Variants in DDR2 observed in about 807,000 individuals in gnomAD.
The protein encoded by DDR2 is discoidin domain-containing receptor 2.
Under a neutral mutation model 94.9 loss-of-function variants are expected in DDR2, and 27 were observed. The observed-to-expected ratio is 0.28, with a 90% confidence interval of 0.21 to 0.39. The LOEUF is 0.39. Ranked by LOEUF, DDR2 falls within the 10% of genes least tolerant of loss-of-function variation. The probability of loss-of-function intolerance (pLI) is 1.00; values close to 1 mark genes in which losing one functional copy is unlikely to be tolerated. For synonymous variants in DDR2, 382 were observed against 377.2 expected, an observed-to-expected ratio of 1.01 and a Z score of -0.15; for missense variants, 783 against 1,076.0, an observed-to-expected ratio of 0.73 and a Z score of 3.81.
chr1:162,692,325 C>T (rs1019197416), intron 2 of DDR2, among the ~76,000 whole-genome samples: 1 of 152,132 alleles, frequency 6.6e-6, no homozygotes, highest in African/African-American at 2.4e-5. Context: ...ACGTGAATTC[C>T]ATTAAAGTGA....
chr1:162,686,934 T>A (rs1231519748), intron 2 of DDR2, among the ~76,000 whole-genome samples: 1 of 152,244 alleles, frequency 6.6e-6, no homozygotes. Context: ...GCTTTCAGCC[T>A]TCTGGGTTGC....
chr1:162,640,280 T>G (rs890076683), intron 1 of DDR2, among the ~76,000 whole-genome samples: 1 of 152,136 alleles, frequency 6.6e-6, no homozygotes, highest in African/African-American at 2.4e-5. Flanking sequence ...GACCTCATGA[T>G]CTGCCCCCCT....
intron 2 of DDR2, among the ~76,000 whole-genome samples, chr1:162,716,014 A>G (rs978315144): frequency 3.3e-5 from 5 of 152,222 alleles, no homozygotes; most frequent in African/African-American, 1.2e-4. Flanking sequence ...TTGAGCACAT[A>G]CTTTGTGCAC....
At chr1:162,645,437 C>A (rs1419359787) in intron 1 of DDR2, among the ~76,000 whole-genome samples, 2 of 152,000 alleles carry the variant, frequency 1.3e-5, no homozygotes, top group Non-Finnish European at 2.9e-5. Context: ...TCTGAGCAGA[C>A]CTCAGGATTT....
chr1:162,714,597 C>T (rs926541606), intron 2 of DDR2, among the ~76,000 whole-genome samples: 4 of 152,144 alleles, frequency 2.6e-5, no homozygotes, highest in Non-Finnish European at 5.9e-5. Flanking sequence ...TATTTCTATA[C>T]CAATTGCATA....
At chr1:162,635,768 A>C (rs1055500705) in intron 1 of DDR2, among the ~76,000 whole-genome samples, 4 of 152,220 alleles carry the variant, frequency 2.6e-5, no homozygotes, top group African/African-American at 7.2e-5. Flanking sequence ...AGACCAATCA[A>C]ATCAGAATAT....
chr1:162,745,720 T>C (rs542966228), intron 3 of DDR2, among the ~76,000 whole-genome samples: 11 of 152,316 alleles, frequency 7.2e-5, no homozygotes, highest in African/African-American at 2.6e-4. Context: ...TAAGTAACTT[T>C]CTAAAATATT....
chr1:162,756,866 A>G (rs1403220493), intron 7 of DDR2, among the ~76,000 whole-genome samples: 2 of 152,202 alleles, frequency 1.3e-5, no homozygotes, highest in East Asian at 3.8e-4. Flanking sequence ...TATTCAAGGC[A>G]CAGAGGAAAT....
chr1:162,741,658 C>T, intron 3 of DDR2: 1 of 985,358 alleles, frequency 1.0e-6, no homozygotes, highest in Non-Finnish European at 1.2e-6. Flanking sequence ...ACAGCTAGAT[C>T]TTCTCCCCAG....
intron 3 of DDR2, among the ~76,000 whole-genome samples, chr1:162,749,782 A>G (rs902609563): frequency 6.6e-6 from 1 of 152,220 alleles, no homozygotes; most frequent in Non-Finnish European, 1.5e-5. Context: ...GGCAAACTGA[A>G]TCCAGCAGAC....
chr1:162,698,943 A>C (rs1660309639), intron 2 of DDR2, among the ~76,000 whole-genome samples: 1 of 152,192 alleles, frequency 6.6e-6, no homozygotes, highest in South Asian at 2.1e-4. Flanking sequence ...CCCTAGTCTG[A>C]AATTACCCTG....
chr1:162,759,889 C>G lies in DDR2; in HGVS notation c.765C>G (p.Asp255Glu), dbSNP rs375604173. ...THEYHVWPGY[D>E]YVGWRNESAT... ...AATACCACGTGTGGCCCGGCTATGACTATGTGGGCTGGCGGAACGAGAGTG... is the reference window on the plus strand; with the variant it reads ...AATACCACGTGTGGCCCGGCTATGAGTATGTGGGCTGGCGGAACGAGAGTG... Residue 255 changes from aspartate to glutamate, a missense_variant, in exon 8 of 18, where the codon GAC becomes GAG. This residue lies in a region of DDR2 where 519 missense variants were observed against 647.9 expected (regional missense o/e 0.80). Transcript: ENST00000367921. 6.2e-7 allele frequency: 1 copy of G among 1,614,184 alleles called. No homozygotes were observed. The highest frequency in any genetic ancestry group is 8.5e-7 in the Non-Finnish European group (1 of 1,180,026).
At chr1:162,695,063 A>G (rs1558031819) in intron 2 of DDR2, among the ~76,000 whole-genome samples, 1 of 152,192 alleles carries the variant, frequency 6.6e-6, no homozygotes, top group East Asian at 1.9e-4. Flanking sequence ...TCTAGAATTT[A>G]GACTTAATTG....
intron 3 of DDR2, among the ~76,000 whole-genome samples, chr1:162,744,689 T>C (rs2102097426): frequency 6.6e-6 from 1 of 152,184 alleles, no homozygotes; most frequent in Non-Finnish European, 1.5e-5. Flanking sequence ...ATTTCTTTCT[T>C]TTTTAAAGCT....
At chr1:162,638,148 G>A (rs1246889980) in intron 1 of DDR2, among the ~76,000 whole-genome samples, 2 of 152,096 alleles carry the variant, frequency 1.3e-5, no homozygotes, top group African/African-American at 2.4e-5. Flanking sequence ...AGCCTCCTGA[G>A]TAGCTGGGAT....
At chr1:162,648,025 A>C (rs2101898458) in intron 1 of DDR2, among the ~76,000 whole-genome samples, 1 of 149,318 alleles carries the variant, frequency 6.7e-6, no homozygotes, top group Middle Eastern at 3.5e-3. Context: ...CCTCTGACAG[A>C]TTCATTCCTG....
At chr1:162,771,722 T>A (rs73026570) in intron 12 of DDR2, among the ~76,000 whole-genome samples, 236 of 152,302 alleles carry the variant, frequency 1.5e-3, no homozygotes, top group African/African-American at 5.4e-3. Flanking sequence ...CCTTTAATAT[T>A]CCCACCCTGA....
At chr1:162,717,208 G>A (rs944597455) in intron 2 of DDR2, among the ~76,000 whole-genome samples, 2 of 152,028 alleles carry the variant, frequency 1.3e-5, no homozygotes, top group Admixed American at 1.3e-4. Context: ...GCTAATTTTT[G>A]TATTTCTAAC....
chr1:162,711,561 G>A (rs1032949627), intron 2 of DDR2, among the ~76,000 whole-genome samples: 1 of 152,168 alleles, frequency 6.6e-6, no homozygotes, highest in Non-Finnish European at 1.5e-5. Context: ...TTGAGTTATG[G>A]TCACTCCTGA....
Sources: gnomAD v4.1 joint callset for allele counts (sites outside exome capture counted in the v4.1 genomes callset) on GRCh38, gnomAD v4.1.1 for gene constraint, gnomAD v4.1.1 regional missense constraint, MANE v1.5 for transcripts, NCBI Gene and HGNC (gene_info 2026-07-23, HGNC 2026-07-21) for gene names.